Variants in SERPINE3 observed in about 807,000 individuals in gnomAD.
SERPINE3 encodes the protein serpin E3.
Under a neutral mutation model 41.7 loss-of-function variants are expected in SERPINE3, and 43 were observed. The observed-to-expected ratio is 1.03, with a 90% CI of 0.81 to 1.33. SERPINE3 has a LOEUF of 1.33. Among genes scored for constraint, SERPINE3 ranks in the 40% most tolerant of loss-of-function variants. The pLI is 0.00. For synonymous variants in SERPINE3, 200 were observed against 192.2 expected (o/e 1.04, Z -0.34); for missense variants, 440 against 491.7 (o/e 0.89, Z 0.99).
chr13:51,361,949 C>A (rs982625119), intron 9 of SERPINE3, 56 bp downstream of exon 9: 8 of 1,611,714 alleles, frequency 5.0e-6, no homozygotes, highest in African/African-American at 4.0e-5. Flanking sequence ...TCTCTAGCAA[C>A]AAGGGCTCAT....
chr13:51,341,762 G>A (rs919334257), intron 3 of SERPINE3, among the ~76,000 whole-genome samples: 4 of 152,188 alleles, frequency 2.6e-5, no homozygotes, highest in African/African-American at 7.2e-5. Flanking sequence ...CAACAGCTCT[G>A]TTGAGGATGA....
intron 7 of SERPINE3, among the ~76,000 whole-genome samples, chr13:51,357,459 CCAAG>C (rs1180398838): frequency 2.0e-5 from 3 of 152,124 alleles, no homozygotes; most frequent in Non-Finnish European, 2.9e-5. Context: ...CGAGGGATTA[CCAAG>C]CAGTTTTGTA....
At chr13:51,355,728 T>G (rs1254454791) in intron 7 of SERPINE3, among the ~76,000 whole-genome samples, 1 of 152,188 alleles carries the variant, frequency 6.6e-6, no homozygotes, top group Non-Finnish European at 1.5e-5. Context: ...GCTGTTTGCT[T>G]ATGGTATTAT....
chr13:51,361,467 G>C, intron 8 of SERPINE3, 103 bp downstream of exon 8: 1 of 769,728 alleles, frequency 1.3e-6, no homozygotes, highest in Non-Finnish European at 2.2e-6. Flanking sequence ...TAACCCCCAA[G>C]TTCAGGTGTG....
chr13:51,344,533 GA>G, intron 4 of SERPINE3, 48 bp downstream of exon 4: 1 of 1,433,984 alleles, frequency 7.0e-7, no homozygotes, highest in Non-Finnish European at 9.6e-7. Flanking sequence ...GAGGGCTGCA[GA>G]GACAGAGTCT....
chr13:51,360,686 C>CT (rs1955560255), intron 7 of SERPINE3, among the ~76,000 whole-genome samples: 1 of 152,048 alleles, frequency 6.6e-6, no homozygotes, highest in South Asian at 2.1e-4. Context: ...AATTGCATAA[C>CT]TGATACACCT....
chr13:51,353,451 CAA>C (rs1955430684), intron 6 of SERPINE3, among the ~76,000 whole-genome samples: 1 of 152,164 alleles, frequency 6.6e-6, no homozygotes, highest in South Asian at 2.1e-4. Flanking sequence ...AGGACTGTGA[CAA>C]AGAGAAGCAA....
At chr13:51,363,020 G>C (rs1469565311) in intron 9 of SERPINE3, 2 of 151,822 alleles carry the variant, frequency 1.3e-5, no homozygotes, top group East Asian at 1.9e-4. Context: ...TCTTAGAAAG[G>C]ACACGTCAAA....
chr13:51,356,394 G>T (rs1267839155), intron 7 of SERPINE3, among the ~76,000 whole-genome samples: 2 of 152,150 alleles, frequency 1.3e-5, no homozygotes, highest in Non-Finnish European at 2.9e-5. Flanking sequence ...GAACTTAAGA[G>T]AATTCTATGT....
At chr13:51,359,820 A>C (rs1416524244) in intron 7 of SERPINE3, among the ~76,000 whole-genome samples, 2 of 152,038 alleles carry the variant, frequency 1.3e-5, no homozygotes, top group African/African-American at 4.8e-5. Flanking sequence ...ACTGCATTTC[A>C]GTTTGCTTAA....
intron 7 of SERPINE3, among the ~76,000 whole-genome samples, chr13:51,355,543 A>T (rs56233603): frequency 0.05 from 7,645 of 151,856 alleles, 488 homozygotes; most frequent in African/African-American, 0.15. Flanking sequence ...CCTCCTTCCC[A>T]ATACCTTCTC....
chr13:51,355,000 G>A, intron 6 of SERPINE3, 43 bp from the exon 7 acceptor site: 1 of 976,238 alleles, frequency 1.0e-6, no homozygotes, highest in East Asian at 2.6e-5. Flanking sequence ...AAAGTATATT[G>A]AGTGAGAATT....
At chr13:51,354,895 T>C (rs1955456113) in intron 6 of SERPINE3, 148 bp from the exon 7 acceptor site, 1 of 610,364 alleles carries the variant, frequency 1.6e-6, no homozygotes, top group African/African-American at 1.9e-5. Flanking sequence ...TTAGGGCTTA[T>C]GGGAAGGCGC....
At chr13:51,360,909 T>C (rs1038246063) in intron 7 of SERPINE3, among the ~76,000 whole-genome samples, 3 of 152,050 alleles carry the variant, frequency 2.0e-5, no homozygotes, top group Non-Finnish European at 2.9e-5. Flanking sequence ...TACCCTATGA[T>C]CACTGAAGTT....
chr13:51,340,889 G>A, intron 2 of SERPINE3, 28 bp downstream of exon 2: 1 of 600,736 alleles, frequency 1.7e-6, no homozygotes, highest in Non-Finnish European at 2.9e-6. Flanking sequence ...TGAAACAAGA[G>A]GGTGCAGCTC....
intron 4 of SERPINE3, among the ~76,000 whole-genome samples, chr13:51,345,323 C>T (rs1463553160): frequency 6.6e-6 from 1 of 151,990 alleles, no homozygotes; most frequent in Non-Finnish European, 1.5e-5. Context: ...CATTCAAGAC[C>T]CAGTGTTGGT....
rs556304357 is a variant in SERPINE3, at chr13:51,361,636, T to G, written c.1088-174T>G. 3.1e-5 allele frequency: 19 copies of G among 620,150 alleles called. No individual in the cohort carries two copies. The African/African-American group carries it at 3.5e-4, about 11-fold the overall frequency. 38.4% of individuals were successfully genotyped at this position (620,150 alleles called of 1,614,324 possible). ...GTTGAAAACAGGAGACAGGATTGGC[T>G]AAATGGCATCTTTTCTCTTTAATTT... On this transcript the variant is annotated intron_variant, in intron 8 of 9. Transcript: ENST00000681248.
In SERPINE3 at chr13:51,362,175, A is replaced by G. The variant is rs1009829272; in HGVS notation, c.1171+282A>G. 9 of 768,056 alleles carry G rather than the reference A, an allele frequency of 1.2e-5. No individual in the cohort carries two copies. In the Admixed American group the frequency reaches 2.0e-4, roughly 17 times the overall value. The allele number at this position is 768,056 out of a possible 1,614,324, so 47.6% of individuals were successfully genotyped here. A position where few individuals can be genotyped will look rare whatever the true frequency, so the allele number is the denominator to read the frequency against. On this transcript the variant is annotated intron_variant, in intron 9 of 9. Transcript: ENST00000681248. ...ATGCTATAGGTTTCTACTTCTGAAG[A>G]CACTTGGAAAAATCATGAAAGTAAA...
At chr13:51,361,157 C>A in intron 7 of SERPINE3, 121 bp from the exon 8 acceptor site, 2 of 613,856 alleles carry the variant, frequency 3.3e-6, no homozygotes, top group South Asian at 2.5e-5. Context: ...CTTTCCCTAG[C>A]TACACAGTAA....
Sources: gnomAD v4.1 joint callset for allele counts (sites outside exome capture counted in the v4.1 genomes callset) on GRCh38, gnomAD v4.1.1 for gene constraint, MANE v1.5 for transcripts, NCBI Gene and HGNC (gene_info 2026-07-23, HGNC 2026-07-21) for gene names.